The following R3HDML variants were observed in gnomAD, a reference collection of about 807,000 sequenced individuals.
The protein encoded by R3HDML is R3H domain containing like.
R3HDML carries 21 observed loss-of-function variants against 24.2 expected under a neutral mutation model. The ratio of observed to expected loss-of-function variants is 0.87; its 90% CI spans 0.62 to 1.25. The LOEUF is 1.25. Ranked by LOEUF, R3HDML falls within the 50% of genes most tolerant of loss-of-function variation. R3HDML has a pLI of 0.00. For synonymous variants in R3HDML, 133 were observed against 131.5 expected (o/e 1.01, Z -0.08); for missense variants, 301 against 340.3 (o/e 0.88, Z 0.91).
Position 44,350,958 on chromosome 20 carries a change from A to C in R3HDML, c.*166A>C. 1 of 692,312 alleles carries C rather than the reference A, an allele frequency of 1.4e-6. No individual in the cohort carries two copies. The highest frequency in any genetic ancestry group is 2.3e-6 in the Non-Finnish European group (1 of 432,768). The allele number at this position is 692,312 out of a possible 1,614,324, so 42.9% of individuals were successfully genotyped here. On this transcript the variant is annotated 3_prime_UTR_variant, in exon 5 of 5. Coordinates refer to ENST00000217043, the MANE Select transcript of R3HDML (RefSeq NM_178491.4). ...CCTTCTTAAATGTCCAACATGGGTC[A>C]AAAGAAAATGACCTCCTTGCCTTCC...
At chr20:44,338,944 C>T (rs190194641) in intron 1 of R3HDML, among the ~76,000 whole-genome samples, 111 of 151,560 alleles carry the variant, frequency 7.3e-4, no homozygotes, top group African/African-American at 2.5e-3. Flanking sequence ...TGGTGATGAG[C>T]GCCTGTAATC....
Position 44,351,070 on chromosome 20 carries a change from C to A in R3HDML, c.*278C>A. On this transcript the variant is annotated 3_prime_UTR_variant, in exon 5 of 5. Coordinates refer to ENST00000217043, the MANE Select transcript of R3HDML (RefSeq NM_178491.4). ...TAATTCGGTTCTCAGAGAACCAAGG[C>A]TGGAAGGCATAGAACTGGCACCTTG... The A allele has an allele frequency of 2.8e-6, 1 of 359,968 alleles. No individual in the cohort carries two copies. The highest frequency in any genetic ancestry group is 5.0e-6 in the Non-Finnish European group (1 of 198,958). 22.3% of individuals were successfully genotyped at this position (359,968 alleles called of 1,614,324 possible).
chr20:44,348,818 T>C (rs1216769588), intron 4 of R3HDML, among the ~76,000 whole-genome samples: 1 of 152,026 alleles, frequency 6.6e-6, no homozygotes, highest in Non-Finnish European at 1.5e-5. Context: ...CCAGCCCCTT[T>C]AAGGTAAATG....
In R3HDML at chr20:44,350,748, A is replaced by G. The variant is rs1324830287; in HGVS notation, c.718A>G (p.Met240Val). The change falls in exon 5 of 5, where the codon ATG becomes GTG. Residue 240 changes from methionine (M) to valine (V), a missense_variant. By Grantham distance (21) the Met-to-Val change is conservative (BLOSUM62 1). Transcript: ENST00000217043. The part of the protein sequence containing the change: ...PSYQGSCNSN[M>V]CFKGLKSNKF... ...TTATCAAGGCAGCTGCAATAGCAACATGTGCTTCAAGGGGCTGAAATCCAA... is the reference window on the plus strand; with the variant it reads ...TTATCAAGGCAGCTGCAATAGCAACGTGTGCTTCAAGGGGCTGAAATCCAA... The G allele has an allele frequency of 1.4e-5, 22 of 1,614,100 alleles. No individual in the cohort carries two copies. Among genetic ancestry groups the G allele is most frequent in the Non-Finnish European group, 1.9e-5 (22 of 1,179,992 alleles).
At chr20:44,346,257 G>C (rs957514384) in intron 4 of R3HDML, among the ~76,000 whole-genome samples, 10 of 152,164 alleles carry the variant, frequency 6.6e-5, no homozygotes, top group Non-Finnish European at 1.0e-4. Context: ...AAGTAGCTGG[G>C]ACTACAGGTG....
chr20:44,348,875 G>T (rs1034767384), intron 4 of R3HDML, among the ~76,000 whole-genome samples: 1 of 152,100 alleles, frequency 6.6e-6, no homozygotes, highest in African/African-American at 2.4e-5. Flanking sequence ...GTGAGGCCAG[G>T]TGTGGTGGCT....
chr20:44,338,401 C>T lies in R3HDML; in HGVS notation c.261+983C>T, dbSNP rs531596895. 2.6e-5 allele frequency among the ~76,000 whole-genome samples: 4 copies of T among 152,212 alleles called. No homozygotes were observed. In the East Asian group the frequency reaches 7.7e-4, roughly 29 times the overall value. The stretch of plus-strand genomic sequence containing the variant: ...TTTAGTGGGAATAAGAGAAAACAAG[C>T]ATGAACAACAAGATATTAATGTACA... On this transcript the variant is annotated intron_variant, in intron 1 of 4. Transcript: ENST00000217043.
rs552381754 is a variant in R3HDML at position 44,341,388 on chromosome 20, G to A, written c.380+74G>A. The A allele has an allele frequency of 1.9e-4, 226 of 1,221,432 alleles. 2 individuals are homozygous for A. The East Asian group carries it at 4.2e-3, about 23-fold the overall frequency. The allele number at this position is 1,221,432 out of a possible 1,614,324, so 75.7% of individuals were successfully genotyped here. On this transcript the variant is annotated intron_variant, in intron 2 of 4. Transcript: ENST00000217043. ...ATTGAACACTTACTCTGTACCAGGT[G>A]CTGCACTTGACACTGGGATACAGTG...
chr20:44,338,649 A>C (rs997074464), intron 1 of R3HDML, among the ~76,000 whole-genome samples: 1 of 152,196 alleles, frequency 6.6e-6, no homozygotes, highest in African/African-American at 2.4e-5. Context: ...CATGGAGCAG[A>C]GAGGGTTCAA....
chr20:44,337,116 C>G lies in R3HDML; in HGVS notation c.-42C>G, dbSNP rs776213464. 3.8e-6 allele frequency: 6 copies of G among 1,579,900 alleles called. No individual in the cohort carries two copies. Among genetic ancestry groups the G allele is most frequent in the Non-Finnish European group, 5.2e-6 (6 of 1,158,900 alleles). On this transcript the variant is annotated 5_prime_UTR_variant, in exon 1 of 5. Transcript: ENST00000217043. The surrounding 1 kb of genome is among the most constrained non-coding windows in gnomAD (Gnocchi z 4.7). ...GTGCCTGCCCCTTCCAGGCAGCCGGCTCTGATTGCACAAGGCAGACCTGTG... is the reference window on the plus strand; with the variant it reads ...GTGCCTGCCCCTTCCAGGCAGCCGGGTCTGATTGCACAAGGCAGACCTGTG...
intron 1 of R3HDML, among the ~76,000 whole-genome samples, chr20:44,339,151 G>C (rs932859939): frequency 6.6e-6 from 1 of 151,140 alleles, no homozygotes; most frequent in African/African-American, 2.4e-5. Flanking sequence ...TCCCTCCCTA[G>C]CTGACTTCTA....
At chr20:44,341,363 A>C (rs2146109198) in intron 2 of R3HDML, 49 bp downstream of exon 2, 2,821 of 1,399,418 alleles carry the variant, frequency 2.0e-3, no homozygotes, top group Non-Finnish European at 2.5e-3. Context: ...ACAAATACTC[A>C]TTGAACACTT....
chr20:44,340,932 C>G (rs774682946), intron 1 of R3HDML, among the ~76,000 whole-genome samples: 6 of 152,216 alleles, frequency 3.9e-5, no homozygotes, highest in Admixed American at 3.9e-4. Flanking sequence ...AACTCCTGTA[C>G]GAACACCCTG....
chr20:44,337,302 G>T lies in R3HDML; in HGVS notation c.145G>T (p.Val49Leu). Reference sequence around the variant, plus strand: ...TATGCGGCTCCTGAGTGGCCTGGAGGTGCCCAGGTACCGCCGGAAGCGCCA... The same window carrying T: ...TATGCGGCTCCTGAGTGGCCTGGAGTTGCCCAGGTACCGCCGGAAGCGCCA... ...TAMRLLSGLE[V>L]PRYRRKRHIS... Residue 49 changes from valine to leucine, a missense_variant, in exon 1 of 5, where the codon GTG (valine) becomes TTG (leucine). Val to Leu is a conservative substitution (Grantham distance 32). Coordinates refer to ENST00000217043, the MANE Select transcript of R3HDML (RefSeq NM_178491.4). This position sits in a 1 kb window ranked among gnomAD's most constrained non-coding sequence, Gnocchi z 4.7. The T allele has an allele frequency of 6.8e-6, 11 of 1,614,210 alleles. No individual in the cohort carries two copies. Among genetic ancestry groups the T allele is most frequent in the Non-Finnish European group, 9.3e-6 (11 of 1,180,042 alleles).
intron 1 of R3HDML, among the ~76,000 whole-genome samples, chr20:44,339,787 TG>T (rs1428996825): frequency 3.9e-5 from 6 of 152,026 alleles, no homozygotes; most frequent in Admixed American, 1.3e-4. Context: ...TATCTATTTT[TG>T]TTGTTGTTGA....
chr20:44,347,373 T>C (rs1368974940), intron 4 of R3HDML, among the ~76,000 whole-genome samples: 2 of 151,740 alleles, frequency 1.3e-5, no homozygotes, highest in Non-Finnish European at 2.9e-5. Context: ...CATGCACCAT[T>C]ACACCTGGCT....
At chr20:44,344,319 T>C (rs1462362406) in intron 3 of R3HDML, among the ~76,000 whole-genome samples, 3 of 150,482 alleles carry the variant, frequency 2.0e-5, no homozygotes, top group Non-Finnish European at 4.4e-5. Flanking sequence ...GTGCACACCT[T>C]TAGTCCCAGC....
At chr20:44,341,609 G>T (rs182097851) in intron 2 of R3HDML, among the ~76,000 whole-genome samples, 1 of 152,348 alleles carries the variant, frequency 6.6e-6, no homozygotes, top group African/African-American at 2.4e-5. Context: ...AGGGGGCCGG[G>T]CACGGTGGCT....
chr20:44,348,518 T>TCCTTTC (rs1408961292), intron 4 of R3HDML, among the ~76,000 whole-genome samples: 1 of 145,598 alleles, frequency 6.9e-6, no homozygotes, highest in Non-Finnish European at 1.5e-5. Context: ...TCCTTTCCTT[T>TCCTTTC]CTTTTCTTCT....
Sources: gnomAD v4.1 joint callset for allele counts (sites outside exome capture counted in the v4.1 genomes callset) on GRCh38, gnomAD v4.1.1 for gene constraint, Gnocchi (gnomAD v3.1) non-coding constraint, MANE v1.5 for transcripts, NCBI Gene and HGNC (gene_info 2026-07-23, HGNC 2026-07-21) for gene names.